Variants in RAD51B observed in about 807,000 individuals in gnomAD.
RAD51B encodes the protein DNA repair protein RAD51 homolog 2.
In RAD51B, 38 loss-of-function variants were observed where a neutral mutation model predicts 42.2. The observed-to-expected ratio is 0.90, with a 90% CI of 0.70 to 1.18. The LOEUF (loss-of-function observed/expected upper bound fraction) is 1.18, where lower values mean the gene tolerates loss of function less well. Among genes scored for constraint, RAD51B ranks in the 50% most tolerant of loss-of-function variants. The probability of loss-of-function intolerance (pLI) is 0.00; values close to 1 mark genes in which losing one functional copy is unlikely to be tolerated. For missense variants in RAD51B, 373 were observed against 400.7 expected, an observed-to-expected ratio of 0.93 and a Z score of 0.59; for synonymous variants, 154 against 145.2, an observed-to-expected ratio of 1.06 and a Z score of -0.43.
rs1247957290 is a variant in RAD51B, at chr14:67,932,874, A to G, written c.756+45670A>G. On this transcript the variant is annotated intron_variant, in intron 7 of 10. Transcript: ENST00000471583. ...GGGCACAGTTACTACTTACAGCCCCAGACAGGCAGCTCCTCCGGCTTGTCC... is the reference window on the plus strand; with the variant it reads ...GGGCACAGTTACTACTTACAGCCCCGGACAGGCAGCTCCTCCGGCTTGTCC... 3.3e-5 allele frequency among the ~76,000 whole-genome samples: 5 copies of G among 152,186 alleles called. No homozygotes were observed. The South Asian group carries it at 1.0e-3, about 32-fold the overall frequency.
At chr14:68,203,354 C>T (rs1318454655) in intron 7 of RAD51B, among the ~76,000 whole-genome samples, 3 of 152,178 alleles carry the variant, frequency 2.0e-5, no homozygotes, top group Non-Finnish European at 4.4e-5. Context: ...ATGAGCAGTA[C>T]TATTTTGAAA....
At chr14:68,421,471 CA>C (rs2084697502) in intron 9 of RAD51B, among the ~76,000 whole-genome samples, 1 of 152,062 alleles carries the variant, frequency 6.6e-6, no homozygotes, top group Non-Finnish European at 1.5e-5. Flanking sequence ...CAGGCCCTTC[CA>C]AATTCTTTCT....
chr14:67,855,100 A>G (rs895227401), intron 4 of RAD51B, among the ~76,000 whole-genome samples: 5 of 152,144 alleles, frequency 3.3e-5, no homozygotes, highest in Admixed American at 6.6e-5. Context: ...GGGTTTCACC[A>G]TGTTAGCCAG....
intron 7 of RAD51B, among the ~76,000 whole-genome samples, chr14:68,181,597 TG>T (rs1473666958): frequency 6.6e-6 from 1 of 152,244 alleles, no homozygotes; most frequent in African/African-American, 2.4e-5. Context: ...TTTAAGCCTG[TG>T]GCTTTGATTA....
intron 2 of RAD51B, 122 bp from the exon 3 acceptor site, chr14:67,825,342 T>C: frequency 1.7e-6 from 1 of 595,996 alleles, no homozygotes; most frequent in Non-Finnish European, 2.8e-6. Flanking sequence ...AATGTATAAA[T>C]CTTTGATCTG....
chr14:68,100,791 CA>C (rs2077275487), intron 7 of RAD51B, among the ~76,000 whole-genome samples: 1 of 152,090 alleles, frequency 6.6e-6, no homozygotes, highest in African/African-American at 2.4e-5. Context: ...AAGTGAAGCC[CA>C]AAAGTGTTAA....
chr14:67,928,821 T>A (rs1435559867), intron 7 of RAD51B, among the ~76,000 whole-genome samples: 1 of 152,068 alleles, frequency 6.6e-6, no homozygotes, highest in African/African-American at 2.4e-5. Flanking sequence ...TGCCTAAAAA[T>A]TATTTCTTAA....
intron 7 of RAD51B, among the ~76,000 whole-genome samples, chr14:68,193,244 C>T (rs2079303034): frequency 6.6e-6 from 1 of 152,164 alleles, no homozygotes; most frequent in African/African-American, 2.4e-5. Flanking sequence ...AGACAACACT[C>T]AAATGCTACT....
chr14:68,471,194 G>A (rs2086114649), intron 10 of RAD51B, among the ~76,000 whole-genome samples: 1 of 152,152 alleles, frequency 6.6e-6, no homozygotes, highest in South Asian at 2.1e-4. Context: ...CAGCTCCTGT[G>A]CTGCCAACTA....
intron 7 of RAD51B, among the ~76,000 whole-genome samples, chr14:67,901,896 A>T (rs2043627189): frequency 6.6e-6 from 1 of 151,864 alleles, no homozygotes; most frequent in Admixed American, 6.6e-5. Context: ...GACAGTGGAG[A>T]CTGGGAAGGG....
chr14:68,384,669 G>T (rs1419875260), intron 8 of RAD51B, among the ~76,000 whole-genome samples: 1 of 152,156 alleles, frequency 6.6e-6, no homozygotes, highest in East Asian at 1.9e-4. Context: ...CAGAATTAAG[G>T]TTCCTTTTTC....
rs374596856 is a variant in RAD51B at position 68,533,187 on chromosome 14, T to C, written c.1037-61298T>C. ...AATCCACTGTATAGGAAAATTATTA[T>C]AAATAATAAGAGATTTCATTGAGTT... On this transcript the variant is annotated intron_variant, in intron 10 of 10. Transcript: ENST00000487270. Among the ~76,000 whole-genome samples, 15 of 152,308 alleles carry C rather than the reference T, an allele frequency of 9.8e-5. No homozygotes were observed. In the South Asian group the frequency reaches 2.9e-3, roughly 29 times the overall value.
intron 7 of RAD51B, among the ~76,000 whole-genome samples, chr14:68,275,025 C>G (rs1392801122): frequency 1.3e-5 from 2 of 152,186 alleles, no homozygotes; most frequent in African/African-American, 4.8e-5. Context: ...ATAGTGGCAG[C>G]CTGATCTTCT....
intron 3 of RAD51B, among the ~76,000 whole-genome samples, chr14:67,830,313 TA>T (rs1159696374): frequency 5.9e-5 from 9 of 152,202 alleles, no homozygotes; most frequent in Non-Finnish European, 1.3e-4. Flanking sequence ...AGGTACCTAT[TA>T]CTGTATTCCA....
intron 7 of RAD51B, among the ~76,000 whole-genome samples, chr14:68,136,297 C>T (rs1026420785): frequency 3.3e-5 from 5 of 151,970 alleles, no homozygotes; most frequent in African/African-American, 7.3e-5. Flanking sequence ...TGGATCAGGC[C>T]GGGCACAGTG....
At chr14:68,259,485 AT>A (rs2080833499) in intron 7 of RAD51B, among the ~76,000 whole-genome samples, 1 of 152,222 alleles carries the variant, frequency 6.6e-6, no homozygotes, top group Non-Finnish European at 1.5e-5. Context: ...ACATAAAAAA[AT>A]AAAAGCTCAG....
intron 7 of RAD51B, among the ~76,000 whole-genome samples, chr14:67,980,351 G>C (rs2075068565): frequency 6.6e-6 from 1 of 152,198 alleles, no homozygotes; most frequent in South Asian, 2.1e-4. Context: ...GGCTGAGGCA[G>C]GAGAATCTCT....
intron 10 of RAD51B, chr14:68,562,423 C>T (rs910169973): frequency 1.0e-6 from 1 of 982,994 alleles, no homozygotes; most frequent in Non-Finnish European, 1.2e-6. Flanking sequence ...CATACAGCCC[C>T]CAGTCAACCC....
At chr14:68,304,941 AT>A (rs2081828784) in intron 8 of RAD51B, among the ~76,000 whole-genome samples, 1 of 152,202 alleles carries the variant, frequency 6.6e-6, no homozygotes, top group Non-Finnish European at 1.5e-5. Flanking sequence ...TATATTGGAT[AT>A]CTAGAGCAGC....
Sources: allele counts gnomAD v4.1 joint callset (sites outside exome capture counted in the v4.1 genomes callset), GRCh38; gene constraint gnomAD v4.1.1; transcripts MANE v1.5; gene names NCBI Gene and HGNC (gene_info 2026-07-23, HGNC 2026-07-21).